The following RBFOX2 variants were observed in gnomAD, a reference collection of about 807,000 sequenced individuals.
RBFOX2 encodes the protein RNA binding protein fox-1 homolog 2.
RBFOX2 carries 10 observed loss-of-function variants against 49.1 expected under a neutral mutation model. The ratio of observed to expected loss-of-function variants is 0.20; its 90% confidence interval spans 0.13 to 0.35. RBFOX2 has a LOEUF of 0.35. Ranked by LOEUF, RBFOX2 falls within the 10% of genes least tolerant of loss-of-function variation. The pLI is 1.00. For synonymous variants in RBFOX2, 183 were observed against 187.4 expected (o/e 0.98, Z 0.19); for missense variants, 323 against 486.9 (o/e 0.66, Z 3.17).
rs1424509211 is a variant in RBFOX2, at chr22:35,977,751, T to G, written c.187-38854A>C. Reference sequence around the variant, plus strand: ...ATATATATATATATATATATATATATATATATATATACATGCACACACACA... The same window carrying G: ...ATATATATATATATATATATATATAGATATATATATACATGCACACACACA... On this transcript the variant is annotated intron_variant, in intron 1 of 13. Transcript: ENST00000438146. Among the ~76,000 whole-genome samples the G allele has an allele frequency of 6.4e-4, 84 of 131,364 alleles. 3 individuals are homozygous for G. The highest frequency in any genetic ancestry group is 2.3e-3 in the African/African-American group (83 of 36,832). The allele number at this position is 131,364 out of a possible 152,430, so 86.2% of individuals were successfully genotyped here. A position where few individuals can be genotyped will look rare whatever the true frequency, so the allele number is the denominator to read the frequency against.
exon 1 of RBFOX2, chr22:36,028,509 C>A: frequency 9.7e-7 from 1 of 1,034,762 alleles, no homozygotes; most frequent in Non-Finnish European, 1.2e-6. Flanking sequence ...ACTGTCGCGA[C>A]AGGCGGGCGC....
intron 2 of RBFOX2, among the ~76,000 whole-genome samples, chr22:35,800,059 C>G (rs1355817500): frequency 6.6e-6 from 1 of 151,996 alleles, no homozygotes; most frequent in Non-Finnish European, 1.5e-5. Context: ...CCTGTACAGT[C>G]AGGTCAAGTA....
At chr22:35,875,607 G>GGTGTGTGTGT (rs56137825) in intron 1 of RBFOX2, among the ~76,000 whole-genome samples, 78 of 117,722 alleles carry the variant, frequency 6.6e-4, no homozygotes, top group African/African-American at 1.2e-3. Context: ...TGCTCACAAG[G>GGTGTGTGTGT]GTGTGTGTGT....
Sources: gnomAD v4.1 joint callset for allele counts (sites outside exome capture counted in the v4.1 genomes callset) on GRCh38, gnomAD v4.1.1 for gene constraint, MANE v1.5 for transcripts, NCBI Gene and HGNC (gene_info 2026-07-23, HGNC 2026-07-21) for gene names.